FANCC: variants seen among roughly 807,000 people sequenced by gnomAD.
FANCC encodes Fanconi anemia group C protein.
FANCC carries 55 observed loss-of-function variants against 71.3 expected under a neutral mutation model. The observed-to-expected ratio is 0.77, with a 90% confidence interval of 0.62 to 0.97. The LOEUF is 0.97. Among genes scored for constraint, FANCC ranks in the 50% least tolerant of loss-of-function variants. The probability of loss-of-function intolerance (pLI) is 0.00; values close to 1 mark genes in which losing one functional copy is unlikely to be tolerated. For synonymous variants in FANCC, 275 were observed against 244.9 expected (o/e 1.12, Z -1.15); for missense variants, 678 against 670.9 (o/e 1.01, Z -0.12).
At chr9:95,144,489 G>C (rs117086868) in intron 7 of FANCC, among the ~76,000 whole-genome samples, 1 of 152,228 alleles carries the variant, frequency 6.6e-6, no homozygotes, top group African/African-American at 2.4e-5. Context: ...CACTGTGCTA[G>C]AGCAGGAGTA....
chr9:95,107,322 A>C, intron 13 of FANCC, 53 bp from the exon 14 acceptor site: 3 of 1,559,706 alleles, frequency 1.9e-6, no homozygotes, highest in East Asian at 4.6e-5. Context: ...GGACAGACAT[A>C]CTTCTAGGAT....
At chr9:95,128,362 GC>G (rs1278828119) in intron 8 of FANCC, among the ~76,000 whole-genome samples, 1 of 152,228 alleles carries the variant, frequency 6.6e-6, no homozygotes, top group Non-Finnish European at 1.5e-5. Flanking sequence ...ACTGTTATGT[GC>G]CCACAGGCAG....
At chr9:95,303,384 G>A (rs918874400) in intron 1 of FANCC, among the ~76,000 whole-genome samples, 12 of 152,124 alleles carry the variant, frequency 7.9e-5, no homozygotes, top group East Asian at 1.9e-4. Flanking sequence ...GAGAACACAC[G>A]CGCACCAGCA....
intron 4 of FANCC, among the ~76,000 whole-genome samples, chr9:95,214,766 G>A (rs1486495859): frequency 1.3e-5 from 2 of 152,170 alleles, no homozygotes; most frequent in South Asian, 2.1e-4. Flanking sequence ...AAAGACAAAC[G>A]TATGACTCCG....
At chr9:95,148,262 T>TA (rs1432492119) in intron 7 of FANCC, among the ~76,000 whole-genome samples, 1 of 152,154 alleles carries the variant, frequency 6.6e-6, no homozygotes, top group African/African-American at 2.4e-5. Flanking sequence ...TTCTGCTTCA[T>TA]AACAAAAAAA....
At position 95,284,935 on chromosome 9, in the gene FANCC, GAC is replaced by G. The variant is rs1196647932; in HGVS notation, c.-79+32589_-79+32590del. Among the ~76,000 whole-genome samples the G allele has an allele frequency of 6.0e-5, 9 of 150,966 alleles. No individual in the cohort carries two copies. The South Asian group carries it at 6.3e-4, about 11-fold the overall frequency. On this transcript the variant is annotated intron_variant, in intron 1 of 14. Coordinates refer to ENST00000289081, the MANE Select transcript of FANCC (RefSeq NM_000136.3). ...ACGCATGCGCACACGCACAGAGAGA[GAC>G]ACGCACACACACAGAAAAAATAAAT... is the stretch of plus-strand genomic sequence containing the variant.
At chr9:95,155,031 C>A (rs940518111) in intron 6 of FANCC, among the ~76,000 whole-genome samples, 5 of 150,726 alleles carry the variant, frequency 3.3e-5, no homozygotes, top group African/African-American at 7.3e-5. Flanking sequence ...CATGGTGAAA[C>A]CCTGCCTCTA....
chr9:95,107,117 G>A lies in FANCC; in HGVS notation c.1482C>T (p.Phe494=). The A allele has an allele frequency of 6.2e-7, 1 of 1,614,240 alleles. No homozygotes were observed. The highest frequency in any genetic ancestry group is 8.5e-7 in the Non-Finnish European group (1 of 1,180,036). The change falls in exon 14 of 15, where the codon TTC becomes TTT. Residue 494 remains phenylalanine (F), a synonymous_variant. Transcript: ENST00000289081. ...QQLIRHLLLN[F]LLWAPGGHTI... is the part of the protein sequence containing the mutation. Reference sequence around the variant, plus strand: ...TGTGGCCTCCAGGAGCCCAGAGCAGGAAGTTGAGGAGAAGGTGCCTGATCA... The same window carrying A: ...TGTGGCCTCCAGGAGCCCAGAGCAGAAAGTTGAGGAGAAGGTGCCTGATCA...
intron 1 of FANCC, among the ~76,000 whole-genome samples, chr9:95,272,660 G>C (rs913659903): frequency 6.6e-6 from 1 of 152,134 alleles, no homozygotes. Context: ...TCACGCCACT[G>C]CCCTCCAACC....
chr9:95,122,667 G>C lies in FANCC; in HGVS notation c.996+2419C>G, dbSNP rs868836952. Among the ~76,000 whole-genome samples, 3 of 152,238 alleles carry C rather than the reference G, an allele frequency of 2.0e-5. No individual in the cohort carries two copies. The South Asian group carries it at 6.2e-4, about 32-fold the overall frequency. On this transcript the variant is annotated intron_variant, in intron 10 of 14. Coordinates refer to ENST00000289081, the MANE Select transcript of FANCC (RefSeq NM_000136.3). ...ATCAGTCCCAATCCATAGTGCCCAC[G>C]GCCAACATAGAGGCTGAGGGTGAAG...
chr9:95,296,853 G>A (rs2063213212), intron 1 of FANCC, among the ~76,000 whole-genome samples: 1 of 152,234 alleles, frequency 6.6e-6, no homozygotes, highest in South Asian at 2.1e-4. Flanking sequence ...TTTCAAAATT[G>A]TAATGAAGTT....
At chr9:95,116,921 G>A (rs544194729) in intron 11 of FANCC, among the ~76,000 whole-genome samples, 1 of 152,288 alleles carries the variant, frequency 6.6e-6, no homozygotes, top group African/African-American at 2.4e-5. Flanking sequence ...CTTTTCTTCT[G>A]CAACAAGGCT....
At chr9:95,208,777 T>C (rs893408246) in intron 4 of FANCC, among the ~76,000 whole-genome samples, 1 of 152,202 alleles carries the variant, frequency 6.6e-6, no homozygotes, top group Non-Finnish European at 1.5e-5. Flanking sequence ...GGAACTCTCA[T>C]CCGCTGCTGA....
intron 1 of FANCC, among the ~76,000 whole-genome samples, chr9:95,312,223 C>G (rs1441192212): frequency 2.6e-5 from 4 of 152,198 alleles, no homozygotes; most frequent in Non-Finnish European, 5.9e-5. Flanking sequence ...AGAAAATGAA[C>G]AGACTAAATA....
chr9:95,257,780 G>T (rs977945365), intron 1 of FANCC, among the ~76,000 whole-genome samples: 2 of 152,030 alleles, frequency 1.3e-5, no homozygotes, highest in Non-Finnish European at 2.9e-5. Context: ...TAGATAGACC[G>T]CTAGTCAGAC....
chr9:95,144,304 C>T lies in FANCC; in HGVS notation c.686+5619G>A, dbSNP rs147220550. Among the ~76,000 whole-genome samples, 13 of 152,324 alleles carry T rather than the reference C, an allele frequency of 8.5e-5. No homozygotes were observed. In the East Asian group the frequency reaches 2.5e-3, roughly 29 times the overall value. On this transcript the variant is annotated intron_variant, in intron 7 of 14. Transcript: ENST00000289081. ...GCTGAAGCCACAGGATTTGGACACACTGAAGACCACCCAGCACTTCTGGAC... is the reference window on the plus strand; with the variant it reads ...GCTGAAGCCACAGGATTTGGACACATTGAAGACCACCCAGCACTTCTGGAC...
chr9:95,292,583 C>T lies in FANCC; in HGVS notation c.-79+24943G>A, dbSNP rs1450284577. 14 of 1,461,818 alleles carry T rather than the reference C, an allele frequency of 9.6e-6. No homozygotes were observed. In the East Asian group the frequency reaches 2.5e-4, roughly 26 times the overall value. 90.6% of individuals were successfully genotyped at this position (1,461,818 alleles called of 1,614,324 possible). A position where few individuals can be genotyped will look rare whatever the true frequency, so the allele number is the denominator to read the frequency against. On this transcript the variant is annotated intron_variant, in intron 1 of 14. Transcript: ENST00000289081. ...AGCTGTCCCAGACCACATGGCCCAA[C>T]ATCCTGTGCACCGTGCGCGGCTGCC...
At chr9:95,234,490 T>C (rs1421861064) in intron 4 of FANCC, among the ~76,000 whole-genome samples, 1 of 152,194 alleles carries the variant, frequency 6.6e-6, no homozygotes, top group Non-Finnish European at 1.5e-5. Context: ...CATCCTAAAA[T>C]TTATGTAACA....
chr9:95,242,984 C>T (rs931938773), intron 3 of FANCC, among the ~76,000 whole-genome samples: 6 of 152,166 alleles, frequency 3.9e-5, no homozygotes, highest in African/African-American at 1.4e-4. Context: ...GATTCTAAAA[C>T]TGAGTGGAAA....
Sources: allele counts gnomAD v4.1 joint callset (sites outside exome capture counted in the v4.1 genomes callset), GRCh38; gene constraint gnomAD v4.1.1; transcripts MANE v1.5; gene names NCBI Gene and HGNC (gene_info 2026-07-23, HGNC 2026-07-21).